Variants in XYLT1 observed in about 807,000 individuals in gnomAD.
XYLT1 encodes the protein beta-D-xylosyltransferase 1.
In XYLT1, 36 loss-of-function variants were observed where a neutral mutation model predicts 91.3. The observed-to-expected ratio is 0.39, with a 90% CI of 0.30 to 0.52. The LOEUF (loss-of-function observed/expected upper bound fraction) is 0.52. XYLT1 is among the 20% of genes least tolerant of loss of function. The probability of loss-of-function intolerance (pLI) is 0.68; values close to 1 mark genes in which losing one functional copy is unlikely to be tolerated. For missense variants in XYLT1, 1,242 were observed against 1,284.5 expected (o/e 0.97, Z 0.51); for synonymous variants, 588 against 532.0 (o/e 1.11, Z -1.45).
intron 2 of XYLT1, among the ~76,000 whole-genome samples, chr16:17,334,421 C>T (rs1268397129): frequency 2.6e-5 from 4 of 152,096 alleles, no homozygotes; most frequent in Admixed American, 6.6e-5. Context: ...CAGTAAGAGC[C>T]ACCTGCCATG....
intron 3 of XYLT1, among the ~76,000 whole-genome samples, chr16:17,238,237 A>G (rs1257356301): frequency 6.6e-6 from 1 of 152,218 alleles, no homozygotes; most frequent in Non-Finnish European, 1.5e-5. Context: ...TCAAATACAC[A>G]CAGGAAATAG....
intron 1 of XYLT1, among the ~76,000 whole-genome samples, chr16:17,377,260 C>T (rs2035614716): frequency 6.6e-6 from 1 of 151,176 alleles, no homozygotes; most frequent in African/African-American, 2.5e-5. Context: ...TAATAACTCA[C>T]CCAAGATCCC....
At chr16:17,435,602 C>A (rs1448464633) in intron 1 of XYLT1, among the ~76,000 whole-genome samples, 1 of 151,894 alleles carries the variant, frequency 6.6e-6, no homozygotes, top group Non-Finnish European at 1.5e-5. Flanking sequence ...AAGGTAAATG[C>A]TTCCTGATGA....
At chr16:17,292,883 T>C (rs2034252702) in intron 2 of XYLT1, among the ~76,000 whole-genome samples, 1 of 152,066 alleles carries the variant, frequency 6.6e-6, no homozygotes, top group Non-Finnish European at 1.5e-5. Flanking sequence ...GTTCATCCAC[T>C]TCATCTCAGC....
At chr16:17,419,595 A>C (rs767588052) in intron 1 of XYLT1, among the ~76,000 whole-genome samples, 1 of 152,224 alleles carries the variant, frequency 6.6e-6, no homozygotes, top group Non-Finnish European at 1.5e-5. Context: ...AACTCAATGA[A>C]ACAGGCAATG....
intron 5 of XYLT1, among the ~76,000 whole-genome samples, chr16:17,183,594 C>T (rs1201186307): frequency 6.6e-6 from 1 of 152,222 alleles, no homozygotes; most frequent in Non-Finnish European, 1.5e-5. Flanking sequence ...TGCAGTAACA[C>T]TATCTACCTT....
intron 2 of XYLT1, among the ~76,000 whole-genome samples, chr16:17,319,503 C>T (rs1241237651): frequency 2.0e-5 from 3 of 151,172 alleles, no homozygotes; most frequent in African/African-American, 7.3e-5. Flanking sequence ...AGTGCAGTGG[C>T]GCAATCGTGG....
intron 2 of XYLT1, among the ~76,000 whole-genome samples, chr16:17,335,043 G>A (rs915696560): frequency 1.3e-5 from 2 of 151,942 alleles, no homozygotes; most frequent in African/African-American, 4.8e-5. Context: ...GGCCAACATG[G>A]CATAACCCCA....
chr16:17,276,086 TATTGCCATCC>T (rs1893148898), intron 2 of XYLT1, among the ~76,000 whole-genome samples: 1 of 152,200 alleles, frequency 6.6e-6, no homozygotes, highest in African/African-American at 2.4e-5. Flanking sequence ...AGGCTCCTAA[TATTGCCATCC>T]ATGTGATTTC....
intron 11 of XYLT1, among the ~76,000 whole-genome samples, chr16:17,109,844 C>G (rs992858188): frequency 6.6e-6 from 1 of 152,200 alleles, no homozygotes; most frequent in African/African-American, 2.4e-5. Context: ...AGCTGCCGAG[C>G]GTCCACCTTG....
intron 5 of XYLT1, chr16:17,193,187 A>C (rs965891213): frequency 2.0e-5 from 3 of 152,214 alleles, no homozygotes; most frequent in African/African-American, 7.2e-5. Flanking sequence ...CAAAGAGAAA[A>C]GGGAAAGTAA....
At chr16:17,433,116 T>C (rs1202927150) in intron 1 of XYLT1, among the ~76,000 whole-genome samples, 2 of 151,554 alleles carry the variant, frequency 1.3e-5, no homozygotes, top group Non-Finnish European at 2.9e-5. Flanking sequence ...TCAGCTGTGT[T>C]AGAAAAAAAA....
At chr16:17,420,687 ATT>A (rs35212295) in intron 1 of XYLT1, among the ~76,000 whole-genome samples, 1 of 151,632 alleles carries the variant, frequency 6.6e-6, no homozygotes, top group African/African-American at 2.4e-5. Context: ...AATTATTCAG[ATT>A]TTTTTTTGCG....
At chr16:17,440,530 G>A (rs2036520391) in intron 1 of XYLT1, among the ~76,000 whole-genome samples, 1 of 152,180 alleles carries the variant, frequency 6.6e-6, no homozygotes, top group South Asian at 2.1e-4. Flanking sequence ...AGCAGACCAT[G>A]AGCCTTAGAG....
At chr16:17,200,753 A>C (rs2032526223) in intron 3 of XYLT1, 99 bp from the exon 4 acceptor site, 1 of 1,336,002 alleles carries the variant, frequency 7.5e-7, no homozygotes, top group African/African-American at 1.5e-5. Flanking sequence ...GGACTATTTT[A>C]GGGGCACAGT....
intron 3 of XYLT1, among the ~76,000 whole-genome samples, chr16:17,232,407 G>C (rs1350024743): frequency 3.9e-5 from 3 of 76,386 alleles, no homozygotes; most frequent in Non-Finnish European, 8.1e-5. Flanking sequence ...GTCTGTGTCT[G>C]TGTGTGTGTG....
intron 2 of XYLT1, among the ~76,000 whole-genome samples, chr16:17,283,281 G>C (rs2034084813): frequency 6.6e-6 from 1 of 152,164 alleles, no homozygotes; most frequent in Non-Finnish European, 1.5e-5. Context: ...GCTGTAATAA[G>C]TGAATTGTTC....
At chr16:17,399,762 T>C (rs1354352369) in intron 1 of XYLT1, among the ~76,000 whole-genome samples, 2 of 152,162 alleles carry the variant, frequency 1.3e-5, no homozygotes, top group African/African-American at 4.8e-5. Flanking sequence ...TCTGCACCCC[T>C]GTCCTCCGGC....
intron 5 of XYLT1, among the ~76,000 whole-genome samples, chr16:17,165,510 C>G (rs907371551): frequency 6.7e-6 from 1 of 148,342 alleles, no homozygotes. Flanking sequence ...CATGGTGAAA[C>G]CTGGTCTCTA....
Sources: gnomAD v4.1 joint callset for allele counts (sites outside exome capture counted in the v4.1 genomes callset) on GRCh38, gnomAD v4.1.1 for gene constraint, MANE v1.5 for transcripts, NCBI Gene and HGNC (gene_info 2026-07-23, HGNC 2026-07-21) for gene names.